ASIC2: variants seen among roughly 807,000 people sequenced by gnomAD.
ASIC2 encodes acid-sensing ion channel 2.
In ASIC2, 25 loss-of-function variants were observed where a neutral mutation model predicts 57.3. That is an observed-to-expected ratio of 0.44 (90% CI 0.32 to 0.61). ASIC2 has a LOEUF of 0.61. Among genes scored for constraint, ASIC2 ranks in the 20% least tolerant of loss-of-function variants. The pLI is 0.06. For synonymous variants in ASIC2, 319 were observed against 307.5 expected, an observed-to-expected ratio of 1.04 and a Z score of -0.39; for missense variants, 641 against 738.1, an observed-to-expected ratio of 0.87 and a Z score of 1.52.
chr17:33,880,067 G>C (rs569369874), intron 1 of ASIC2, among the ~76,000 whole-genome samples: 3 of 152,222 alleles, frequency 2.0e-5, no homozygotes, highest in Admixed American at 1.3e-4. Context: ...TGAGAACAAA[G>C]ACACAACATA....
chr17:33,256,660 C>CA (rs1206036873), intron 1 of ASIC2, among the ~76,000 whole-genome samples: 1 of 152,136 alleles, frequency 6.6e-6, no homozygotes, highest in African/African-American at 2.4e-5. Context: ...GGCAAAACCC[C>CA]ATCTCTACTA....
rs576593676 is a variant in ASIC2, at chr17:33,321,743, A to G, written c.556-209676T>C. On this transcript the variant is annotated intron_variant, in intron 1 of 9. Transcript: ENST00000359872. ...TTTGGTAGAAATGATTCCTTCTTAC[A>G]TGGATCAAAGATACATACTAAACTT... is the stretch of plus-strand genomic sequence containing the variant. 1.1e-4 allele frequency among the ~76,000 whole-genome samples: 17 copies of G among 152,324 alleles called. No homozygotes were observed. The South Asian group carries it at 3.3e-3, about 30-fold the overall frequency.
intron 1 of ASIC2, among the ~76,000 whole-genome samples, chr17:33,233,646 G>A (rs547921590): frequency 6.6e-6 from 1 of 151,694 alleles, no homozygotes. Context: ...ACGGCATCAG[G>A]CTGGGTGGAT....
At chr17:33,533,687 A>C (rs910667321) in intron 1 of ASIC2, 1 of 152,222 alleles carries the variant, frequency 6.6e-6, no homozygotes, top group African/African-American at 2.4e-5. Context: ...GGGAATCACC[A>C]ATGTCTTCTT....
At chr17:33,800,760 C>A (rs1371719829) in intron 1 of ASIC2, among the ~76,000 whole-genome samples, 2 of 152,130 alleles carry the variant, frequency 1.3e-5, no homozygotes, top group Admixed American at 6.5e-5. Context: ...AATAGATGAC[C>A]TCATGCTAAC....
At chr17:34,099,712 AAG>A (rs1910760447) in intron 1 of ASIC2, among the ~76,000 whole-genome samples, 1 of 142,198 alleles carries the variant, frequency 7.0e-6, no homozygotes, top group African/African-American at 2.7e-5. Flanking sequence ...GGAAAAAAGA[AAG>A]AAAGAAAGAA....
At chr17:33,854,844 G>A (rs1032232296) in intron 1 of ASIC2, among the ~76,000 whole-genome samples, 1 of 152,006 alleles carries the variant, frequency 6.6e-6, no homozygotes, top group African/African-American at 2.4e-5. Flanking sequence ...CCCTGTGGGT[G>A]GTGTGTGTTA....
At chr17:33,821,653 T>C (rs954171683) in intron 1 of ASIC2, among the ~76,000 whole-genome samples, 1 of 152,214 alleles carries the variant, frequency 6.6e-6, no homozygotes, top group Non-Finnish European at 1.5e-5. Flanking sequence ...TTTAACCAAA[T>C]GTGGGAAGAG....
At chr17:33,990,912 A>T (rs1905982696) in intron 1 of ASIC2, among the ~76,000 whole-genome samples, 1 of 152,240 alleles carries the variant, frequency 6.6e-6, no homozygotes, top group Non-Finnish European at 1.5e-5. Context: ...TAGTTCAAAG[A>T]TGATCATTCA....
chr17:33,368,189 G>A (rs1274454412), intron 1 of ASIC2, among the ~76,000 whole-genome samples: 1 of 152,178 alleles, frequency 6.6e-6, no homozygotes, highest in Non-Finnish European at 1.5e-5. Flanking sequence ...TATGACTTCT[G>A]AGTCTAGGTC....
chr17:33,796,062 A>G (rs938203709), intron 1 of ASIC2, among the ~76,000 whole-genome samples: 2 of 152,202 alleles, frequency 1.3e-5, no homozygotes, highest in African/African-American at 4.8e-5. Flanking sequence ...CTGTGAGGGC[A>G]TTTTCCACTT....
intron 4 of ASIC2, 71 bp from the exon 5 acceptor site, chr17:33,026,053 T>G: frequency 1.3e-6 from 2 of 1,557,180 alleles, no homozygotes; most frequent in Non-Finnish European, 1.8e-6. Context: ...TCCTCTGCTT[T>G]GGGCTTAGGG....
chr17:33,553,899 G>A (rs140837090), intron 1 of ASIC2, among the ~76,000 whole-genome samples: 225 of 152,332 alleles, frequency 1.5e-3, no homozygotes, highest in African/African-American at 5.1e-3. Flanking sequence ...GAAGGACCCA[G>A]CAAAGAACTT....
chr17:33,625,161 A>G (rs781119903), intron 1 of ASIC2, among the ~76,000 whole-genome samples: 3 of 151,934 alleles, frequency 2.0e-5, no homozygotes, highest in Non-Finnish European at 4.4e-5. Flanking sequence ...CTATCTATCT[A>G]TCTATCTATC....
chr17:33,028,110 C>T (rs7209941), intron 4 of ASIC2, 132 bp downstream of exon 4: 1 of 1,293,830 alleles, frequency 7.7e-7, no homozygotes, highest in African/African-American at 1.5e-5. Context: ...CACCAAATAA[C>T]AGAGTCTTCC....
intron 1 of ASIC2, among the ~76,000 whole-genome samples, chr17:33,333,132 G>T (rs1907383231): frequency 6.6e-6 from 1 of 152,174 alleles, no homozygotes; most frequent in Non-Finnish European, 1.5e-5. Context: ...TTGGAGACTG[G>T]CCATCCTTCT....
intron 2 of ASIC2, among the ~76,000 whole-genome samples, chr17:33,105,475 C>T (rs1188505832): frequency 6.6e-6 from 1 of 152,162 alleles, no homozygotes; most frequent in African/African-American, 2.4e-5. Flanking sequence ...ATTACCCAGT[C>T]TTGGTTATTT....
chr17:34,016,699 G>T (rs1038587360), intron 1 of ASIC2, among the ~76,000 whole-genome samples: 4 of 152,196 alleles, frequency 2.6e-5, no homozygotes, highest in Non-Finnish European at 4.4e-5. Flanking sequence ...ATTTTTAACA[G>T]TGTTTAACTT....
At chr17:34,032,861 A>C (rs1282943164) in intron 1 of ASIC2, among the ~76,000 whole-genome samples, 1 of 152,258 alleles carries the variant, frequency 6.6e-6, no homozygotes, top group African/African-American at 2.4e-5. Context: ...AGATTCATAA[A>C]GTAAGTCCTT....
Sources: gnomAD v4.1 joint callset for allele counts (sites outside exome capture counted in the v4.1 genomes callset) on GRCh38, gnomAD v4.1.1 for gene constraint, MANE v1.5 for transcripts, NCBI Gene and HGNC (gene_info 2026-07-23, HGNC 2026-07-21) for gene names.